The following PUS7 variants were observed in gnomAD, a reference collection of about 807,000 sequenced individuals.
PUS7 encodes pseudouridylate synthase 7 homolog.
In PUS7, 48 loss-of-function variants were observed where a neutral mutation model predicts 79.8. The observed-to-expected ratio is 0.60, with a 90% CI of 0.48 to 0.76. The LOEUF is 0.76. Ranked by LOEUF, PUS7 falls within the 30% of genes least tolerant of loss-of-function variation. The pLI, the probability that PUS7 is intolerant of heterozygous loss-of-function variation, is 0.00. For missense variants in PUS7, 729 were observed against 797.6 expected (o/e 0.91, Z 1.04); for synonymous variants, 286 against 272.2 (o/e 1.05, Z -0.50).
intron 5 of PUS7, among the ~76,000 whole-genome samples, chr7:105,500,902 A>G (rs1052157901): frequency 6.6e-6 from 1 of 152,130 alleles, no homozygotes; most frequent in African/African-American, 2.4e-5. Context: ...CAACCACACC[A>G]TTCGTTTGTG....
intron 9 of PUS7, among the ~76,000 whole-genome samples, chr7:105,472,573 C>T (rs764713775): frequency 2.6e-5 from 4 of 151,988 alleles, no homozygotes; most frequent in African/African-American, 7.3e-5. Context: ...GGCAGAAAAT[C>T]TAATATGATA....
intron 7 of PUS7, among the ~76,000 whole-genome samples, chr7:105,485,449 A>G (rs914170717): frequency 1.3e-5 from 2 of 152,188 alleles, no homozygotes; most frequent in African/African-American, 4.8e-5. Flanking sequence ...ACCTCAGGTG[A>G]TCTGCCCGCC....
Position 105,472,138 on chromosome 7 carries a change from A to G in PUS7, c.1231T>C (p.Ser411Pro). 1 of 1,595,170 alleles carries G rather than the reference A, an allele frequency of 6.3e-7. No individual in the cohort carries two copies. Among genetic ancestry groups the G allele is most frequent in the Non-Finnish European group, 8.6e-7 (1 of 1,164,666 alleles). Residue 411 changes from serine to proline, a missense_variant, in exon 10 of 16, where the codon TCT becomes CCT. Coordinates refer to ENST00000469408, the MANE Select transcript of PUS7 (RefSeq NM_019042.5). ...EVMDLILKPR[S>P]GAEKGYLVKC... ...ACATGAATTTTATTCTCACCTCCAG[A>G]GCGGGGTTTCAATATTAAATCCATG...
chr7:105,502,990 G>A (rs1426896175), intron 4 of PUS7, among the ~76,000 whole-genome samples: 3 of 152,174 alleles, frequency 2.0e-5, no homozygotes, highest in Non-Finnish European at 4.4e-5. Context: ...GTGAGCCACC[G>A]TGCCCAGTCT....
In PUS7 at chr7:105,507,298, G is replaced by A. The variant is rs553320098; in HGVS notation, c.398+817C>T. On this transcript the variant is annotated intron_variant, in intron 2 of 15. Coordinates refer to ENST00000469408, the MANE Select transcript of PUS7 (RefSeq NM_019042.5). The stretch of plus-strand genomic sequence containing the variant: ...TGACCTCAAGTGATCTGCCCGCCTT[G>A]GCCTCCCAAAGTGCTGGGATCACAG... Among the ~76,000 whole-genome samples the A allele has an allele frequency of 2.2e-3, 338 of 152,034 alleles. 1 individual carries two copies. Among genetic ancestry groups the A allele is most frequent in the African/African-American group, 7.8e-3 (323 of 41,496 alleles).
At chr7:105,478,138 C>T (rs1031250475) in intron 9 of PUS7, among the ~76,000 whole-genome samples, 2 of 152,158 alleles carry the variant, frequency 1.3e-5, no homozygotes, top group Non-Finnish European at 1.5e-5. Context: ...GGTTCATTCA[C>T]GTTGCAGAAT....
intron 8 of PUS7, 61 bp from the exon 9 acceptor site, chr7:105,481,238 C>T: frequency 6.8e-7 from 1 of 1,479,906 alleles, no homozygotes; most frequent in Non-Finnish European, 9.1e-7. Context: ...AGGGATGCAG[C>T]TCATAAATGA....
intron 7 of PUS7, among the ~76,000 whole-genome samples, chr7:105,485,948 C>T (rs1824529743): frequency 6.6e-6 from 1 of 151,406 alleles, no homozygotes; most frequent in South Asian, 2.1e-4. Context: ...GCATGCACCA[C>T]CATGCCTGCC....
At chr7:105,504,832 T>C (rs1482130662) in intron 4 of PUS7, among the ~76,000 whole-genome samples, 1 of 152,050 alleles carries the variant, frequency 6.6e-6, no homozygotes, top group African/African-American at 2.4e-5. Context: ...TTTCTAACAT[T>C]GCAATACCAC....
At chr7:105,515,330 C>G (rs1362996961) in intron 1 of PUS7, among the ~76,000 whole-genome samples, 1 of 152,192 alleles carries the variant, frequency 6.6e-6, no homozygotes, top group Admixed American at 6.5e-5. Context: ...CTATATAAAA[C>G]CTAAACTTCC....
intron 1 of PUS7, among the ~76,000 whole-genome samples, chr7:105,516,746 C>T (rs1052983448): frequency 1.3e-5 from 2 of 152,012 alleles, no homozygotes; most frequent in Non-Finnish European, 2.9e-5. Flanking sequence ...TGAGCCAGTG[C>T]GCCCGGACTG....
chr7:105,470,756 C>T lies in PUS7; in HGVS notation c.1330G>A (p.Val444Met), dbSNP rs780114255. The T allele has an allele frequency of 6.2e-7, 1 of 1,612,688 alleles. No individual in the cohort carries two copies. Among genetic ancestry groups the T allele is most frequent in the Non-Finnish European group, 8.5e-7 (1 of 1,178,836 alleles). The change falls in exon 11 of 16, where the codon GTG (valine) becomes ATG (methionine). Residue 444 changes from valine (V) to methionine (M), a missense_variant. By Grantham distance (21) the Val-to-Met change is conservative. Transcript: ENST00000469408. ...AGTCCTCGAAGCAGCTGCCCTTCCA[C>T]ACACCTTTTGACAGGTAGTTTTCTG... is the stretch of plus-strand genomic sequence containing the variant. ...ALRKLPVKRC[V>M]EGQLLRGLSK...
At chr7:105,511,012 A>G (rs1825679705) in intron 1 of PUS7, among the ~76,000 whole-genome samples, 1 of 151,832 alleles carries the variant, frequency 6.6e-6, no homozygotes, top group East Asian at 1.9e-4. Context: ...CAAAATAATA[A>G]TGATGATTAA....
At chr7:105,491,401 A>G in intron 7 of PUS7, 139 bp downstream of exon 7, 1 of 460,964 alleles carries the variant, frequency 2.2e-6, no homozygotes, top group African/African-American at 2.0e-5. Context: ...GAAGAAAAAA[A>G]CAGAATGAAA....
chr7:105,487,890 G>A (rs1246984367), intron 7 of PUS7, among the ~76,000 whole-genome samples: 4 of 152,184 alleles, frequency 2.6e-5, no homozygotes, highest in African/African-American at 2.4e-5. Context: ...CTGAAAAGAC[G>A]TGCTGCTTAT....
At chr7:105,510,625 TACCTCAGCCTCCCGGGTGGC>T (rs1284902194) in intron 1 of PUS7, among the ~76,000 whole-genome samples, 4 of 152,048 alleles carry the variant, frequency 2.6e-5, no homozygotes, top group Non-Finnish European at 5.9e-5. Context: ...GCCATCCTCC[TACCTCAGCCTCCCGGGTGGC>T]TGGGATCACA....
intron 9 of PUS7, among the ~76,000 whole-genome samples, chr7:105,479,561 A>G (rs1016478927): frequency 1.3e-5 from 2 of 152,226 alleles, no homozygotes; most frequent in Non-Finnish European, 2.9e-5. Context: ...ACAGGATTCC[A>G]GAAGTAGATT....
At chr7:105,504,954 C>T (rs964506930) in intron 4 of PUS7, among the ~76,000 whole-genome samples, 9 of 151,472 alleles carry the variant, frequency 5.9e-5, no homozygotes, top group East Asian at 1.9e-4. Context: ...TTCAGACAAC[C>T]GAAAACCCCA....
intron 7 of PUS7, 89 bp downstream of exon 7, chr7:105,491,451 G>C: frequency 1.3e-6 from 1 of 793,060 alleles, no homozygotes; most frequent in South Asian, 2.2e-5. Context: ...CTAAAGCTGA[G>C]AGAGAAACCC....
Sources: gnomAD v4.1 joint callset for allele counts (sites outside exome capture counted in the v4.1 genomes callset) on GRCh38, gnomAD v4.1.1 for gene constraint, MANE v1.5 for transcripts, NCBI Gene and HGNC (gene_info 2026-07-23, HGNC 2026-07-21) for gene names.